The following HTR3C variants were observed in gnomAD, a reference collection of about 807,000 sequenced individuals.
HTR3C encodes the protein 5-HT3-C.
Under a neutral mutation model 40.5 loss-of-function variants are expected in HTR3C, and 32 were observed. The ratio of observed to expected loss-of-function variants is 0.79; its 90% confidence interval spans 0.60 to 1.06. The LOEUF (loss-of-function observed/expected upper bound fraction) is 1.06, where lower values mean the gene tolerates loss of function less well. HTR3C is among the 50% of genes least tolerant of loss of function. HTR3C has a pLI of 0.00. For synonymous variants in HTR3C, 209 were observed against 217.1 expected (o/e 0.96, Z 0.33); for missense variants, 523 against 556.8 (o/e 0.94, Z 0.61).
intron 6 of HTR3C, among the ~76,000 whole-genome samples, chr3:184,058,881 A>G (rs569433241): frequency 1.7e-4 from 26 of 152,216 alleles, no homozygotes; most frequent in African/African-American, 6.0e-4. Context: ...CAGGAGAATC[A>G]CTTGAACCCA....
At position 184,056,184 on chromosome 3, in the gene HTR3C, A is replaced by G. The variant is rs547494768; in HGVS notation, c.287A>G (p.Asp96Gly). 6.2e-7 allele frequency: 1 copy of G among 1,610,834 alleles called. No homozygotes were observed. Among genetic ancestry groups the G allele is most frequent in the African/African-American group, 1.3e-5 (1 of 74,960 alleles). The change falls in exon 4 of 9, where the codon GAC (aspartate) becomes GGC (glycine). Residue 96 changes from aspartate to glycine, a missense_variant. Physicochemically the swap from Asp to Gly is moderately conservative, Grantham distance 94 (BLOSUM62 -1). Transcript: ENST00000318351. ...CTCACTGCCCTGATGCAGGTATGGG[A>G]CAATCCTTTCATTAATTGGAACCCA... ...TSFLWMDLVWDNPFINWNPKE... is the reference protein window; with the variant it reads ...TSFLWMDLVWGNPFINWNPKE...
chr3:184,059,616 C>T lies in HTR3C; in HGVS notation c.901C>T (p.Pro301Ser). Residue 301 changes from proline (P) to serine (S), a missense_variant, in exon 7 of 9, where the codon CCT becomes TCT. Coordinates refer to ENST00000318351, the MANE Select transcript of HTR3C (RefSeq NM_130770.3). ...CCTGCTCATGATGAATGACTTGCTC[C>T]CTGCCAGTGGCACCCCCCTCATCAG... Reference protein sequence around the residue: ...VFLLMMNDLLPASGTPLISVY... With the variant: ...VFLLMMNDLLSASGTPLISVY... 2 of 1,614,152 alleles carry T rather than the reference C, an allele frequency of 1.2e-6. No individual in the cohort carries two copies. The highest frequency in any genetic ancestry group is 2.2e-5 in the South Asian group (2 of 91,084).
In HTR3C at chr3:184,059,838, C is replaced by T. The variant is rs368824502; in HGVS notation, c.936C>T (p.Phe312=). ...ASGTPLISVY[F]ALCLSLMVVS... Reference sequence around the variant, plus strand: ...TTGCTCTGCCCTCAGGTGTCTACTTCGCCCTGTGCCTGTCCCTGATGGTGG... The same window carrying T: ...TTGCTCTGCCCTCAGGTGTCTACTTTGCCCTGTGCCTGTCCCTGATGGTGG... Residue 312 remains phenylalanine, a synonymous_variant, in exon 8 of 9, where the codon TTC becomes TTT. Coordinates refer to ENST00000318351, the MANE Select transcript of HTR3C (RefSeq NM_130770.3). 1.1e-4 allele frequency: 181 copies of T among 1,614,030 alleles called. No individual in the cohort carries two copies. Among genetic ancestry groups the T allele is most frequent in the Admixed American group, 1.0e-4 (6 of 60,014 alleles).
At position 184,059,978 on chromosome 3, in the gene HTR3C, G is replaced by A; in HGVS notation, c.1076G>A (p.Arg359Lys). ...SLLLHCTSPGRCCPTAPQKGN... is the reference protein window; with the variant it reads ...SLLLHCTSPGKCCPTAPQKGN... ...CTGCTCCACTGCACCAGCCCAGGGA[G>A]ATGCTGTCCCACTGCGCCCCAGAAG... The change falls in exon 8 of 9, where the codon AGA becomes AAA. Residue 359 changes from arginine to lysine, a missense_variant. Arg to Lys is a conservative substitution (Grantham distance 26). Coordinates refer to ENST00000318351, the MANE Select transcript of HTR3C (RefSeq NM_130770.3). 6.2e-7 allele frequency: 1 copy of A among 1,613,844 alleles called. No individual in the cohort carries two copies. The highest frequency in any genetic ancestry group is 1.1e-5 in the South Asian group (1 of 91,058).
At chr3:184,056,435 C>A in intron 4 of HTR3C, 149 bp downstream of exon 4, 1 of 629,614 alleles carries the variant, frequency 1.6e-6, no homozygotes, top group South Asian at 1.9e-5. Flanking sequence ...GTAGAAGAGG[C>A]GAGAGAGTGA....
intron 5 of HTR3C, among the ~76,000 whole-genome samples, chr3:184,057,458 G>A (rs1384289479): frequency 6.6e-6 from 1 of 152,034 alleles, no homozygotes; most frequent in African/African-American, 2.4e-5. Flanking sequence ...AAACAGGCAG[G>A]GCGCAGTGGC....
chr3:184,059,362 A>C, intron 6 of HTR3C, 74 bp from the exon 7 acceptor site: 1 of 1,375,828 alleles, frequency 7.3e-7, no homozygotes, highest in Non-Finnish European at 1.0e-6. Context: ...ACATTGGCAA[A>C]GATTAGGGGT....
chr3:184,059,628 A>ACC lies in HTR3C; in HGVS notation c.918_919dup (p.Leu307ProfsTer13). ...GAATGACTTGCTCCCTGCCAGTGGC[A>ACC]CCCCCCTCATCAGTATGGCTCCTCC... On this transcript the variant is annotated frameshift_variant, in exon 7 of 9. Transcript: ENST00000318351. LOFTEE classifies it high-confidence loss of function. The ACC allele has an allele frequency of 6.2e-7, 1 of 1,613,662 alleles. No homozygotes were observed. The highest frequency in any genetic ancestry group is 1.3e-5 in the African/African-American group (1 of 74,882).
chr3:184,056,914 T>C lies in HTR3C; in HGVS notation c.429T>C (p.Tyr143=), dbSNP rs1363442540. ...AGACGCCTTCCGGTCTCACTGCCTA[T>C]ATCAGCAGTGAAGGTCGAATTAAGT... The part of the protein sequence containing the change: ...VDQTPSGLTA[Y]ISSEGRIKYD... Residue 143 remains tyrosine, a synonymous_variant, in exon 5 of 9, where the codon TAT becomes TAC. Coordinates refer to ENST00000318351, the MANE Select transcript of HTR3C (RefSeq NM_130770.3). The C allele has an allele frequency of 6.2e-7, 1 of 1,613,582 alleles. No homozygotes were observed. Among genetic ancestry groups the C allele is most frequent in the Admixed American group, 1.7e-5 (1 of 60,014 alleles).
At position 184,059,605 on chromosome 3, in the gene HTR3C, A is replaced by T. The variant is rs979658546; in HGVS notation, c.890A>T (p.Asn297Ile). The change falls in exon 7 of 9, where the codon AAT becomes ATT. Residue 297 changes from asparagine to isoleucine, a missense_variant. Physicochemically the swap from Asn to Ile is moderately radical, Grantham distance 149 (BLOSUM62 -3). Transcript: ENST00000318351. The stretch of plus-strand genomic sequence containing the variant: ...TACAACGTCTTCCTGCTCATGATGA[A>T]TGACTTGCTCCCTGCCAGTGGCACC... ...LGYNVFLLMM[N>I]DLLPASGTPL... The T allele has an allele frequency of 1.4e-5, 23 of 1,614,060 alleles. No homozygotes were observed. The highest frequency in any genetic ancestry group is 1.9e-5 in the Non-Finnish European group (23 of 1,180,026).
chr3:184,056,947 G>T lies in HTR3C; in HGVS notation c.462G>T (p.Lys154Asn). The change falls in exon 5 of 9, where the codon AAG becomes AAT. Residue 154 changes from lysine to asparagine, a missense_variant. By Grantham distance (94) the Lys-to-Asn change is moderately conservative (BLOSUM62 0). Transcript: ENST00000318351. Reference sequence around the variant, plus strand: ...GTGAAGGTCGAATTAAGTATGATAAGCCAATGAGGGTGACCAGCATCTGTA... The same window carrying T: ...GTGAAGGTCGAATTAAGTATGATAATCCAATGAGGGTGACCAGCATCTGTA... ...ISSEGRIKYD[K>N]PMRVTSICNL... 1.2e-6 allele frequency: 2 copies of T among 1,613,696 alleles called. 1 individual carries two copies. The highest frequency in any genetic ancestry group is 2.2e-5 in the South Asian group (2 of 91,046).
intron 5 of HTR3C, among the ~76,000 whole-genome samples, chr3:184,057,651 G>T (rs1174317236): frequency 6.6e-6 from 1 of 152,094 alleles, no homozygotes; most frequent in Non-Finnish European, 1.5e-5. Context: ...GGAGAATGGC[G>T]TGAAACTCGG....
At position 184,060,254 on chromosome 3, in the gene HTR3C, G is replaced by T; in HGVS notation, c.1246G>T (p.Val416Leu). ...AAAGACCCAGCTAATGGAGCTGTGG[G>T]TGCAGTTCAGCCACGCGATGGACAC... ...WTKTQLMELW[V>L]QFSHAMDTLL... The change falls in exon 9 of 9, where the codon GTG becomes TTG. Residue 416 changes from valine (V) to leucine (L), a missense_variant. Val to Leu is a conservative substitution (Grantham distance 32). Coordinates refer to ENST00000318351, the MANE Select transcript of HTR3C (RefSeq NM_130770.3). 1 of 1,614,100 alleles carries T rather than the reference G, an allele frequency of 6.2e-7. No individual in the cohort carries two copies.
At chr3:184,057,082 G>A (rs1560081307) in intron 5 of HTR3C, 38 bp downstream of exon 5, 5 of 1,453,432 alleles carry the variant, frequency 3.4e-6, no homozygotes, top group Non-Finnish European at 9.2e-7. Context: ...TTAAGATTCA[G>A]GGAAGACATT....
chr3:184,058,057 G>A (rs1723365786), intron 5 of HTR3C, among the ~76,000 whole-genome samples: 4 of 152,126 alleles, frequency 2.6e-5, no homozygotes, highest in African/African-American at 9.6e-5. Context: ...CATCAAAATG[G>A]GCATGCCTAT....
Position 184,060,031 on chromosome 3 carries a change from A to G in HTR3C, c.1129A>G (p.Thr377Ala), listed in dbSNP as rs1560082449. ...KGNKGLGLTL[T>A]HLPGPKEPGE... The stretch of plus-strand genomic sequence containing the variant: ...AAATAAGGGCCTGGGTCTCACCCTC[A>G]CCCACCTGCCTGGTGAGGGAAGCCA... The change falls in exon 8 of 9, where the codon ACC becomes GCC. Residue 377 changes from threonine to alanine, a missense_variant. Physicochemically the swap from Thr to Ala is moderately conservative, Grantham distance 58. Transcript: ENST00000318351. 3.1e-6 allele frequency: 5 copies of G among 1,612,936 alleles called. No homozygotes were observed. The highest frequency in any genetic ancestry group is 2.2e-5 in the East Asian group (1 of 44,784).
chr3:184,054,991 A>G (rs1358911000), intron 2 of HTR3C, 104 bp downstream of exon 2: 10 of 1,154,510 alleles, frequency 8.7e-6, no homozygotes, highest in Non-Finnish European at 1.2e-5. Context: ...AACAATAGGC[A>G]CCCTGGATGG....
rs143287242 is a variant in HTR3C, at chr3:184,059,993, C to T, written c.1091C>T (p.Ala364Val). Residue 364 changes from alanine to valine, a missense_variant, in exon 8 of 9, where the codon GCG (alanine) becomes GTG (valine). By Grantham distance (64) the Ala-to-Val change is moderately conservative. Coordinates refer to ENST00000318351, the MANE Select transcript of HTR3C (RefSeq NM_130770.3). Reference sequence around the variant, plus strand: ...AGCCCAGGGAGATGCTGTCCCACTGCGCCCCAGAAGGGAAATAAGGGCCTG... The same window carrying T: ...AGCCCAGGGAGATGCTGTCCCACTGTGCCCCAGAAGGGAAATAAGGGCCTG... ...CTSPGRCCPT[A>V]PQKGNKGLGL... 51 of 1,613,718 alleles carry T rather than the reference C, an allele frequency of 3.2e-5. No homozygotes were observed. Among genetic ancestry groups the T allele is most frequent in the South Asian group, 9.9e-5 (9 of 91,072 alleles).
At chr3:184,055,917 C>G (rs1400237591) in intron 3 of HTR3C, among the ~76,000 whole-genome samples, 1 of 78,000 alleles carries the variant, frequency 1.3e-5, no homozygotes, top group African/African-American at 4.6e-5. Context: ...AAAAAAAGGC[C>G]AAGTGCAGGC....
Sources: gnomAD v4.1 joint callset for allele counts (sites outside exome capture counted in the v4.1 genomes callset) on GRCh38, gnomAD v4.1.1 for gene constraint, MANE v1.5 for transcripts, NCBI Gene and HGNC (gene_info 2026-07-23, HGNC 2026-07-21) for gene names.